Variants in TMTC1 observed in about 807,000 individuals in gnomAD.
The protein encoded by TMTC1 is transmembrane O-mannosyltransferase targeting cadherins 1, also known as protein O-mannosyl-transferase TMTC1.
TMTC1 carries 73 observed loss-of-function variants against 104.8 expected under a neutral mutation model. The observed-to-expected ratio is 0.70, with a 90% CI of 0.58 to 0.85. The LOEUF (loss-of-function observed/expected upper bound fraction) is 0.85. Ranked by LOEUF, TMTC1 falls within the 40% of genes least tolerant of loss-of-function variation. TMTC1 has a pLI of 0.00. For missense variants in TMTC1, 1,035 were observed against 1,096.1 expected (o/e 0.94, Z 0.79); for synonymous variants, 434 against 428.7 (o/e 1.01, Z -0.15).
chr12:29,569,741 C>T (rs1318081085), intron 9 of TMTC1, among the ~76,000 whole-genome samples: 1 of 152,198 alleles, frequency 6.6e-6, no homozygotes, highest in Non-Finnish European at 1.5e-5. Context: ...GAGGTATCCA[C>T]ACAAAAATGA....
chr12:29,569,213 T>C (rs1945600389), intron 9 of TMTC1, among the ~76,000 whole-genome samples: 1 of 152,120 alleles, frequency 6.6e-6, no homozygotes. Context: ...TTCTGCATTA[T>C]TCAAAAAATA....
chr12:29,694,991 A>G (rs922697473), intron 5 of TMTC1, among the ~76,000 whole-genome samples: 1 of 152,136 alleles, frequency 6.6e-6, no homozygotes, highest in Non-Finnish European at 1.5e-5. Context: ...CTATTTTCTC[A>G]GATTTTTGGA....
At chr12:29,743,227 C>T (rs985586554) in intron 5 of TMTC1, among the ~76,000 whole-genome samples, 2 of 152,126 alleles carry the variant, frequency 1.3e-5, no homozygotes, top group African/African-American at 4.8e-5. Context: ...GCAGTGGGGG[C>T]AGAATTGGAG....
chr12:29,529,882 C>G (rs1944452502), intron 11 of TMTC1: 1 of 152,164 alleles, frequency 6.6e-6, no homozygotes, highest in Non-Finnish European at 1.5e-5. Flanking sequence ...GTGATCAACA[C>G]TACTCTGACA....
intron 5 of TMTC1, among the ~76,000 whole-genome samples, chr12:29,651,313 A>G (rs2136600590): frequency 6.6e-6 from 1 of 152,322 alleles, no homozygotes; most frequent in Non-Finnish European, 1.5e-5. Flanking sequence ...AGTTGGGACT[A>G]GTTTCCAAAC....
intron 2 of TMTC1, among the ~76,000 whole-genome samples, chr12:29,762,444 T>C (rs1475352705): frequency 2.0e-5 from 3 of 152,224 alleles, no homozygotes; most frequent in Non-Finnish European, 2.9e-5. Flanking sequence ...CCTGTGTGGC[T>C]TATAGAAATC....
At chr12:29,757,804 G>A (rs138106308) in intron 3 of TMTC1, among the ~76,000 whole-genome samples, 347 of 152,246 alleles carry the variant, frequency 2.3e-3, no homozygotes, top group Admixed American at 4.2e-3. Context: ...CATGGATGGC[G>A]GCAGGCAAAG....
At chr12:29,674,773 A>G (rs897485402) in intron 5 of TMTC1, among the ~76,000 whole-genome samples, 3 of 152,190 alleles carry the variant, frequency 2.0e-5, no homozygotes, top group Non-Finnish European at 4.4e-5. Context: ...ATTTACTCAA[A>G]AGAGCAAGAA....
Position 29,783,882 on chromosome 12 carries a change from C to A in TMTC1, c.-131G>T. 1 of 894,290 alleles carries A rather than the reference C, an allele frequency of 1.1e-6. No homozygotes were observed. The highest frequency in any genetic ancestry group is 1.8e-5 in the African/African-American group (1 of 55,930). 55.4% of individuals were successfully genotyped at this position (894,290 alleles called of 1,614,324 possible). The stretch of plus-strand genomic sequence containing the variant: ...ATGGTGCTGCGGCAGCTGGACCCGC[C>A]GCGAGCTCCCCGCGCTCCGCCGCCG... On this transcript the variant is annotated 5_prime_UTR_variant, in exon 1 of 18. Coordinates refer to ENST00000539277, the MANE Select transcript of TMTC1 (RefSeq NM_001193451.2). The surrounding 1 kb of genome is among the most constrained non-coding windows in gnomAD (Gnocchi z 4.7).
chr12:29,562,366 C>T (rs556166188), intron 9 of TMTC1, among the ~76,000 whole-genome samples: 40 of 152,306 alleles, frequency 2.6e-4, no homozygotes, highest in African/African-American at 9.1e-4. Flanking sequence ...AGGGCTCCTC[C>T]CAGTCAATTT....
In TMTC1 at chr12:29,555,664, T is replaced by G. The variant is rs376984326; in HGVS notation, c.1676+1193A>C. ...GCAAAGGACATGAACTCATCCTTTT[T>G]TATGGCTGCATAGTATTCCATGGTG... On this transcript the variant is annotated intron_variant, in intron 10 of 17. Transcript: ENST00000539277. Among the ~76,000 whole-genome samples, 209 of 152,322 alleles carry G rather than the reference T, an allele frequency of 1.4e-3. 1 individual carries two copies. Among genetic ancestry groups the G allele is most frequent in the African/African-American group, 4.8e-3 (198 of 41,576 alleles).
chr12:29,580,193 C>T (rs1945938357), intron 8 of TMTC1, among the ~76,000 whole-genome samples: 1 of 152,108 alleles, frequency 6.6e-6, no homozygotes, highest in Non-Finnish European at 1.5e-5. Context: ...GTGGCACACA[C>T]CTATAGTCCC....
At chr12:29,512,175 T>C (rs112880092) in intron 16 of TMTC1, 55 bp from the exon 17 acceptor site, 86 of 1,439,234 alleles carry the variant, frequency 6.0e-5, no homozygotes, top group African/African-American at 1.1e-4. Context: ...AACTCCAGGA[T>C]TGCAGAAACC....
At chr12:29,766,703 A>G (rs1943472236) in intron 2 of TMTC1, among the ~76,000 whole-genome samples, 1 of 152,116 alleles carries the variant, frequency 6.6e-6, no homozygotes, top group Non-Finnish European at 1.5e-5. Context: ...TGACATCTTT[A>G]CTGCAGGTGT....
At chr12:29,662,053 A>G (rs1212823878) in intron 5 of TMTC1, among the ~76,000 whole-genome samples, 1 of 152,190 alleles carries the variant, frequency 6.6e-6, no homozygotes, top group Non-Finnish European at 1.5e-5. Context: ...GTCATAAGTC[A>G]TTTTCACCTA....
intron 5 of TMTC1, among the ~76,000 whole-genome samples, chr12:29,742,301 C>G (rs551351596): frequency 6.6e-6 from 1 of 152,154 alleles, no homozygotes; most frequent in South Asian, 2.1e-4. Flanking sequence ...ATATTAATTG[C>G]CTTCAGCTCT....
Position 29,529,968 on chromosome 12 carries a change from T to G in TMTC1, c.1785+6241A>C, listed in dbSNP as rs537388285. 4 of 151,996 alleles carry G rather than the reference T, an allele frequency of 2.6e-5. No homozygotes were observed. In the East Asian group the frequency reaches 5.8e-4, roughly 22 times the overall value. The allele number at this position is 151,996 out of a possible 1,614,324, so 9.4% of individuals were successfully genotyped here. A position where few individuals can be genotyped will look rare whatever the true frequency, so the allele number is the denominator to read the frequency against. On this transcript the variant is annotated intron_variant, in intron 11 of 17. Transcript: ENST00000539277. The stretch of plus-strand genomic sequence containing the variant: ...TACAATAAATGCTAAAGAGAAAGAG[T>G]GACAAAAGTGAGCAACTACAGATAA...
intron 6 of TMTC1, among the ~76,000 whole-genome samples, chr12:29,617,723 T>C (rs904565865): frequency 1.3e-4 from 19 of 151,730 alleles, no homozygotes; most frequent in African/African-American, 3.9e-4. Flanking sequence ...ACTGAGAAGG[T>C]GGCAATCAAG....
At chr12:29,627,648 T>G (rs745724364) in intron 6 of TMTC1, among the ~76,000 whole-genome samples, 3 of 148,542 alleles carry the variant, frequency 2.0e-5, no homozygotes, top group Non-Finnish European at 4.4e-5. Context: ...ACAAAGAAAC[T>G]TGTACACAAA....
Sources: gnomAD v4.1 joint callset for allele counts (sites outside exome capture counted in the v4.1 genomes callset) on GRCh38, gnomAD v4.1.1 for gene constraint, Gnocchi (gnomAD v3.1) non-coding constraint, MANE v1.5 for transcripts, NCBI Gene and HGNC (gene_info 2026-07-23, HGNC 2026-07-21) for gene names.